The following CCDC7 variants were observed in gnomAD, a reference collection of about 807,000 sequenced individuals.
The protein encoded by CCDC7 is coiled-coil domain containing 7.
A neutral mutation model predicts 196.9 loss-of-function variants in CCDC7; 183 were observed. The observed-to-expected ratio is 0.93, with a 90% CI of 0.82 to 1.05. The LOEUF is 1.05. CCDC7 is among the 50% of genes least tolerant of loss of function. The probability of loss-of-function intolerance (pLI) is 0.00; values close to 1 mark genes in which losing one functional copy is unlikely to be tolerated. For synonymous variants in CCDC7, 525 were observed against 484.6 expected, an observed-to-expected ratio of 1.08 and a Z score of -1.10; for missense variants, 1,540 against 1,482.2, an observed-to-expected ratio of 1.04 and a Z score of -0.64.
intron 5 of CCDC7, among the ~76,000 whole-genome samples, chr10:32,469,608 TG>T (rs1279811379): frequency 1.3e-5 from 2 of 152,190 alleles, no homozygotes; most frequent in African/African-American, 4.8e-5. Context: ...GGTGATATGT[TG>T]GAAAACTTCC....
rs967163047 is a variant in CCDC7, at chr10:32,451,931, T to G, written c.279+10T>G. 1 of 1,604,464 alleles carries G rather than the reference T, an allele frequency of 6.2e-7. No individual in the cohort carries two copies. Among genetic ancestry groups the G allele is most frequent in the African/African-American group, 1.3e-5 (1 of 74,628 alleles). ...CAAACATCTGAAGATGGTAAGAGGC[T>G]TGTTAGTTTCTGTGTTGCAGGGCCC... On this transcript the variant is annotated intron_variant, in intron 1 of 41. Coordinates refer to ENST00000639629, the Ensembl canonical transcript of CCDC7.
intron 23 of CCDC7, among the ~76,000 whole-genome samples, chr10:32,690,857 G>A (rs1056411328): frequency 2.0e-5 from 3 of 152,184 alleles, no homozygotes; most frequent in Non-Finnish European, 4.4e-5. Context: ...TTTGGTGGGG[G>A]AGGGGAATAA....
At chr10:32,571,661 G>A (rs555303647) in intron 15 of CCDC7, among the ~76,000 whole-genome samples, 198 bp from the exon 17 acceptor site, 1 of 152,008 alleles carries the variant, frequency 6.6e-6, no homozygotes, top group South Asian at 2.1e-4. Context: ...AGAAATATAA[G>A]TGTAATTTTA....
intron 20 of CCDC7, among the ~76,000 whole-genome samples, chr10:32,658,240 A>G (rs935864526): frequency 3.3e-5 from 5 of 152,188 alleles, no homozygotes; most frequent in African/African-American, 1.2e-4. Context: ...CCAATTTACT[A>G]TATTAGTTCA....
downstream of CCDC7, among the ~76,000 whole-genome samples, chr10:32,881,609 A>G (rs1300693168): frequency 6.6e-6 from 1 of 152,158 alleles, no homozygotes. Flanking sequence ...AAACTCAGAA[A>G]AGGCCTTTTG....
intron 35 of CCDC7, 80 bp from the exon 37 acceptor site, chr10:32,845,770 CACACACACACACACACACACACACAT>C: frequency 1.7e-6 from 1 of 587,076 alleles, no homozygotes; most frequent in Non-Finnish European, 2.6e-6. Flanking sequence ...TCCATAATTA[CACACACACACACACACACACACACAT>C]ACACACACAC....
exon 33 of CCDC7, chr10:32,834,848 G>C: frequency 6.8e-7 from 1 of 1,470,794 alleles, no homozygotes; most frequent in Non-Finnish European, 9.5e-7. Context: ...GGTGTTAATG[G>C]AAAAGATATA....
intron 33 of CCDC7, among the ~76,000 whole-genome samples, chr10:32,842,945 G>C (rs905741629): frequency 6.6e-6 from 1 of 151,852 alleles, no homozygotes; most frequent in Non-Finnish European, 1.5e-5. Context: ...TGGGGAAAGA[G>C]TAGGGGGGGC....
chr10:32,846,020 TG>T, intron 36 of CCDC7, 61 bp downstream of exon 37: 1 of 1,228,722 alleles, frequency 8.1e-7, no homozygotes, highest in Non-Finnish European at 1.2e-6. Flanking sequence ...TGAGTTAAAT[TG>T]AAGTATAGAC....
intron 14 of CCDC7, among the ~76,000 whole-genome samples, chr10:32,567,204 A>T (rs1001735710): frequency 6.7e-6 from 1 of 149,848 alleles, no homozygotes; most frequent in African/African-American, 2.4e-5. Context: ...AGTCTTTTAT[A>T]TAAGTAAGTT....
At chr10:32,547,466 T>C (rs999096629) in intron 13 of CCDC7, among the ~76,000 whole-genome samples, 8 of 152,120 alleles carry the variant, frequency 5.3e-5, no homozygotes, top group African/African-American at 1.9e-4. Flanking sequence ...CCATATTCTA[T>C]TGGCCAGAAG....
chr10:32,494,205 A>G (rs886921919), intron 9 of CCDC7, among the ~76,000 whole-genome samples: 4 of 152,096 alleles, frequency 2.6e-5, no homozygotes, highest in East Asian at 1.9e-4. Context: ...TTTTGGGTCT[A>G]TTTTTGTATA....
At chr10:32,641,669 A>G (rs962628382) in intron 20 of CCDC7, among the ~76,000 whole-genome samples, 3 of 152,208 alleles carry the variant, frequency 2.0e-5, no homozygotes, top group Admixed American at 2.0e-4. Context: ...GTCATTCTCC[A>G]TCCAGCTTTG....
intron 18 of CCDC7, among the ~76,000 whole-genome samples, chr10:32,584,609 A>G (rs1211078438): frequency 6.6e-6 from 1 of 151,704 alleles, no homozygotes; most frequent in African/African-American, 2.4e-5. Context: ...TACAAAAATT[A>G]GCTGGGTGTG....
chr10:32,793,744 G>A (rs1398161378), intron 29 of CCDC7, among the ~76,000 whole-genome samples: 1 of 152,112 alleles, frequency 6.6e-6, no homozygotes, highest in Non-Finnish European at 1.5e-5. Flanking sequence ...ATTATTGATT[G>A]TAGTGCATTT....
intron 32 of CCDC7, among the ~76,000 whole-genome samples, chr10:32,831,349 A>T (rs769674702): frequency 2.6e-5 from 4 of 152,208 alleles, no homozygotes; most frequent in African/African-American, 4.8e-5. Flanking sequence ...GGTCTAGGAC[A>T]TTATTGTACA....
At chr10:32,559,834 C>T (rs527432043) in intron 13 of CCDC7, among the ~76,000 whole-genome samples, 35 of 152,282 alleles carry the variant, frequency 2.3e-4, no homozygotes, top group African/African-American at 7.9e-4. Context: ...ATGACTTTGA[C>T]GAGTTGAGAG....
chr10:32,586,107 G>T (rs2059242903), intron 18 of CCDC7, among the ~76,000 whole-genome samples: 1 of 152,144 alleles, frequency 6.6e-6, no homozygotes, highest in Admixed American at 6.5e-5. Context: ...GTTTTGATTT[G>T]CATTTCTCTA....
chr10:32,556,912 A>G (rs1355818794), intron 13 of CCDC7, among the ~76,000 whole-genome samples: 1 of 152,182 alleles, frequency 6.6e-6, no homozygotes, highest in East Asian at 1.9e-4. Context: ...GAAGTTACTT[A>G]GTCCCATCCC....
Sources: gnomAD v4.1 joint callset for allele counts (sites outside exome capture counted in the v4.1 genomes callset) on GRCh38, gnomAD v4.1.1 for gene constraint, MANE v1.5 for transcripts, NCBI Gene and HGNC (gene_info 2026-07-23, HGNC 2026-07-21) for gene names.